ETNPPL: variants seen among roughly 807,000 people sequenced by gnomAD.
ETNPPL encodes alanine--glyoxylate aminotransferase 2-like 1.
Under a neutral mutation model 55.5 loss-of-function variants are expected in ETNPPL, and 30 were observed. The observed-to-expected ratio is 0.54, with a 90% confidence interval of 0.40 to 0.73. ETNPPL has a LOEUF of 0.73. Ranked by LOEUF, ETNPPL falls within the 30% of genes least tolerant of loss-of-function variation. ETNPPL has a pLI of 0.00. For synonymous variants in ETNPPL, 202 were observed against 207.2 expected, an observed-to-expected ratio of 0.98 and a Z score of 0.21; for missense variants, 528 against 607.9, an observed-to-expected ratio of 0.87 and a Z score of 1.38.
intron 5 of ETNPPL, among the ~76,000 whole-genome samples, chr4:108,753,973 CTTTTT>C (rs1213568977): frequency 8.1e-6 from 1 of 122,786 alleles, no homozygotes. Context: ...TTTTTCTTTT[CTTTTT>C]TTTTTTTTTT....
intron 12 of ETNPPL, 90 bp downstream of exon 12, chr4:108,743,699 C>G (rs972575175): frequency 4.3e-6 from 4 of 939,034 alleles, no homozygotes; most frequent in Middle Eastern, 2.1e-4. Flanking sequence ...CTAATGGTCA[C>G]TGCACAATTT....
In ETNPPL at chr4:108,763,003, T is replaced by G; in HGVS notation, c.-105A>C. ...CGGCCCCGGCCGGCCTTCCTCCCGT[T>G]ATCCCTCCTGGCGTTCTCTTGCCCG... is the stretch of plus-strand genomic sequence containing the variant. On this transcript the variant is annotated 5_prime_UTR_variant, in exon 1 of 13. Transcript: ENST00000296486. The G allele has an allele frequency of 9.3e-7, 1 of 1,074,010 alleles. No homozygotes were observed. The highest frequency in any genetic ancestry group is 2.4e-5 in the East Asian group (1 of 41,162). The allele number at this position is 1,074,010 out of a possible 1,614,324, so 66.5% of individuals were successfully genotyped here.
At position 108,763,028 on chromosome 4, in the gene ETNPPL, G is replaced by A. The variant is rs542312879; in HGVS notation, c.-130C>T. On this transcript the variant is annotated 5_prime_UTR_variant, in exon 1 of 13. Coordinates refer to ENST00000296486, the MANE Select transcript of ETNPPL (RefSeq NM_031279.4). ...TATCCCTCCTGGCGTTCTCTTGCCC[G>A]GGGCGTCGGAGGTCACCGGTGGCGT... The A allele has an allele frequency of 9.9e-5, 79 of 799,506 alleles. No homozygotes were observed. Among genetic ancestry groups the A allele is most frequent in the Non-Finnish European group, 1.2e-4 (60 of 488,282 alleles). The allele number at this position is 799,506 out of a possible 1,614,324, so 49.5% of individuals were successfully genotyped here.
chr4:108,746,377 T>C lies in ETNPPL; in HGVS notation c.1303+22A>G, dbSNP rs761385837. On this transcript the variant is annotated intron_variant, in intron 11 of 12. Coordinates refer to ENST00000296486, the MANE Select transcript of ETNPPL (RefSeq NM_031279.4). ...GTTTGGGAGAGGGAACAAGAAGACA[T>C]CTTAAAGATCCATGGACCCACCTGT... The C allele has an allele frequency of 1.5e-5, 24 of 1,602,020 alleles. No individual in the cohort carries two copies. The Admixed American group carries it at 4.0e-4, about 26-fold the overall frequency.
chr4:108,748,951 A>T (rs143055168), intron 8 of ETNPPL, among the ~76,000 whole-genome samples: 172 of 152,290 alleles, frequency 1.1e-3, no homozygotes, highest in African/African-American at 4.1e-3. Flanking sequence ...TGCATGTGGG[A>T]CTTAAAATCT....
At chr4:108,747,798 G>A (rs754701883) in intron 9 of ETNPPL, 11 of 450,706 alleles carry the variant, frequency 2.4e-5, no homozygotes, top group Admixed American at 2.2e-4. Context: ...GCACAATCTC[G>A]GCTCACTGCA....
chr4:108,747,124 TTATA>T (rs373968611), intron 9 of ETNPPL, among the ~76,000 whole-genome samples: 7 of 45,012 alleles, frequency 1.6e-4, no homozygotes, highest in Non-Finnish European at 2.1e-4. Context: ...AATGTTAACA[TTATA>T]TATATATATA....
chr4:108,758,403 A>G (rs1206700251), intron 3 of ETNPPL, among the ~76,000 whole-genome samples: 1 of 152,184 alleles, frequency 6.6e-6, no homozygotes, highest in Non-Finnish European at 1.5e-5. Context: ...ATACTCCTAA[A>G]TATCTGCATA....
intron 12 of ETNPPL, 44 bp from the exon 13 acceptor site, chr4:108,742,656 A>T (rs1268523941): frequency 6.2e-7 from 1 of 1,611,850 alleles, no homozygotes; most frequent in Non-Finnish European, 8.5e-7. Flanking sequence ...TCCACCTCTA[A>T]TCCAGCCTCC....
At chr4:108,756,782 C>T (rs573983659) in intron 3 of ETNPPL, among the ~76,000 whole-genome samples, 1 of 152,222 alleles carries the variant, frequency 6.6e-6, no homozygotes, top group East Asian at 1.9e-4. Flanking sequence ...GTGGAGATTG[C>T]CCCACTGCAC....
intron 1 of ETNPPL, chr4:108,762,527 A>ATGG: frequency 1.5e-6 from 1 of 668,078 alleles, no homozygotes. Context: ...CATCCCTGGA[A>ATGG]TGGTGTCTGC....
chr4:108,760,039 T>G (rs1424076520), intron 2 of ETNPPL, 131 bp from the exon 3 acceptor site: 15 of 1,165,544 alleles, frequency 1.3e-5, no homozygotes, highest in Non-Finnish European at 1.6e-5. Flanking sequence ...CTCTTCCATA[T>G]TTTGCTGCGA....
At chr4:108,754,500 C>T in intron 5 of ETNPPL, 120 bp downstream of exon 5, 1 of 636,154 alleles carries the variant, frequency 1.6e-6, no homozygotes, top group Non-Finnish European at 2.8e-6. Context: ...TAGCAAGCCA[C>T]ATAACTGCTC....
In ETNPPL at chr4:108,754,697, G is replaced by A. The variant is rs375895107; in HGVS notation, c.424C>T (p.His142Tyr). ...VITLDHAYHG[H>Y]LSSLIEISPY... ...CTAATCTCAATTAAGGATGATAGGT[G>A]ACCATGGTAAGCACTGAAGAGACAA... The change falls in exon 5 of 13, where the codon CAC becomes TAC. Residue 142 changes from histidine to tyrosine, a missense_variant. Physicochemically the swap from His to Tyr is moderately conservative, Grantham distance 83 (BLOSUM62 2). Coordinates refer to ENST00000296486, the MANE Select transcript of ETNPPL (RefSeq NM_031279.4). 2 of 1,586,382 alleles carry A rather than the reference G, an allele frequency of 1.3e-6. No individual in the cohort carries two copies. The highest frequency in any genetic ancestry group is 1.7e-6 in the Non-Finnish European group (2 of 1,158,074).
At chr4:108,755,928 TTAA>T (rs1228213380) in intron 4 of ETNPPL, among the ~76,000 whole-genome samples, 1 of 152,254 alleles carries the variant, frequency 6.6e-6, no homozygotes, top group Non-Finnish European at 1.5e-5. Flanking sequence ...ATAGTGACTG[TTAA>T]TAATTACAGG....
chr4:108,759,802 G>A lies in ETNPPL; in HGVS notation c.282C>T (p.Arg94=). Reference sequence around the variant, plus strand: ...GTTTCTCCGGCAGAGTTGCTGAAAGGCGTTTGGCATACTCAACAATGTTGT... The same window carrying A: ...GTTTCTCCGGCAGAGTTGCTGAAAGACGTTTGGCATACTCAACAATGTTGT... ...LHDNIVEYAK[R]LSATLPEKLS... is the part of the protein sequence containing the mutation. The change falls in exon 3 of 13, where the codon CGC becomes CGT. Residue 94 remains arginine, a synonymous_variant. Coordinates refer to ENST00000296486, the MANE Select transcript of ETNPPL (RefSeq NM_031279.4). The A allele has an allele frequency of 1.2e-6, 2 of 1,614,162 alleles. No homozygotes were observed. The highest frequency in any genetic ancestry group is 1.7e-6 in the Non-Finnish European group (2 of 1,180,016).
chr4:108,748,005 C>A lies in ETNPPL; in HGVS notation c.1082G>T (p.Arg361Met). ...CATGACAACTTCATAATGAACATACCTAATATCTCCTATCAAAGTGTGTTT... is the reference window on the plus strand; with the variant it reads ...CATGACAACTTCATAATGAACATACATAATATCTCCTATCAAAGTGTGTTT... The part of the protein sequence containing the change: ...KAKHTLIGDI[R>M]GIGLFIGIDL... The change falls in exon 9 of 13, where the codon AGG (arginine) becomes ATG (methionine). Residue 361 changes from arginine to methionine, a missense_variant and splice_region_variant. Transcript: ENST00000296486. The A allele has an allele frequency of 6.2e-7, 1 of 1,604,846 alleles. No individual in the cohort carries two copies. Among genetic ancestry groups the A allele is most frequent in the Non-Finnish European group, 8.5e-7 (1 of 1,176,150 alleles).
At position 108,742,820 on chromosome 4, in the gene ETNPPL, T is replaced by C. The variant is rs114602692; in HGVS notation, c.1372-208A>G. ...GAAAATCCGGGACTCCGAGTCAACTTTTCATAAAATGTGTGCCAACTTTGC... is the reference window on the plus strand; with the variant it reads ...GAAAATCCGGGACTCCGAGTCAACTCTTCATAAAATGTGTGCCAACTTTGC... On this transcript the variant is annotated intron_variant, in intron 12 of 12. Transcript: ENST00000296486. Among the ~76,000 whole-genome samples the C allele has an allele frequency of 5.4e-3, 825 of 152,310 alleles. 11 individuals carry two copies. Among genetic ancestry groups the C allele is most frequent in the African/African-American group, 0.019 (794 of 41,568 alleles).
intron 8 of ETNPPL, among the ~76,000 whole-genome samples, chr4:108,748,835 T>C (rs1160713877): frequency 6.6e-6 from 1 of 152,032 alleles, no homozygotes; most frequent in Non-Finnish European, 1.5e-5. Context: ...ATTGGAAAAA[T>C]TAATAAGCCT....
Sources: allele counts gnomAD v4.1 joint callset (sites outside exome capture counted in the v4.1 genomes callset), GRCh38; gene constraint gnomAD v4.1.1; transcripts MANE v1.5; gene names NCBI Gene and HGNC (gene_info 2026-07-23, HGNC 2026-07-21).